IL1RL2: variants seen among roughly 807,000 people sequenced by gnomAD.
IL1RL2 encodes interleukin 1 receptor like 2, also known as interleukin-1 receptor-like 2.
IL1RL2 carries 68 observed loss-of-function variants against 66.8 expected under a neutral mutation model. The ratio of observed to expected loss-of-function variants is 1.02; its 90% CI spans 0.84 to 1.25. The LOEUF (loss-of-function observed/expected upper bound fraction) is 1.25, where lower values mean the gene tolerates loss of function less well. Among genes scored for constraint, IL1RL2 ranks in the 50% most tolerant of loss-of-function variants. IL1RL2 has a pLI of 0.00. For synonymous variants in IL1RL2, 305 were observed against 264.6 expected (o/e 1.15, Z -1.48); for missense variants, 729 against 709.3 (o/e 1.03, Z -0.32).
chr2:102,237,690 A>G (rs1456768039), intron 11 of IL1RL2, among the ~76,000 whole-genome samples: 1 of 152,234 alleles, frequency 6.6e-6, no homozygotes, highest in Non-Finnish European at 1.5e-5. Flanking sequence ...ATGAAATAAT[A>G]GGGATGCAAT....
chr2:102,202,326 T>C (rs769381272), intron 5 of IL1RL2, among the ~76,000 whole-genome samples: 12 of 151,886 alleles, frequency 7.9e-5, no homozygotes, highest in Non-Finnish European at 1.2e-4. Flanking sequence ...TTTTTGTGGG[T>C]ACATAATAGG....
intron 6 of IL1RL2, among the ~76,000 whole-genome samples, chr2:102,216,348 C>T (rs1412585813): frequency 1.3e-5 from 2 of 152,116 alleles, no homozygotes; most frequent in Admixed American, 1.3e-4. Flanking sequence ...TCTATTTTAT[C>T]TGATGTAAGT....
intron 5 of IL1RL2, among the ~76,000 whole-genome samples, chr2:102,207,917 C>A (rs1358359917): frequency 6.6e-6 from 1 of 152,218 alleles, no homozygotes; most frequent in Non-Finnish European, 1.5e-5. Flanking sequence ...GTTCTGATCA[C>A]TGGGATTAAC....
At position 102,191,945 on chromosome 2, in the gene IL1RL2, G is replaced by A. The variant is rs1344805298; in HGVS notation, c.314G>A (p.Arg105Lys). Residue 105 changes from arginine (R) to lysine (K), a missense_variant, in exon 4 of 12, where the codon AGA (arginine) becomes AAA (lysine). Transcript: ENST00000264257. ...TACAGGGGTAGAGACAGCTGTCATA[G>A]AATACATGTAAACCTAACTGTTTTT... ...CVIKGRDSCH[R>K]IHVNLTVFEK... The A allele has an allele frequency of 1.2e-6, 2 of 1,610,984 alleles. No individual in the cohort carries two copies. Among genetic ancestry groups the A allele is most frequent in the African/African-American group, 2.7e-5 (2 of 74,774 alleles).
intron 4 of IL1RL2, among the ~76,000 whole-genome samples, chr2:102,195,455 G>T (rs1033213279): frequency 1.1e-4 from 17 of 151,872 alleles, no homozygotes; most frequent in African/African-American, 4.1e-4. Flanking sequence ...TAGTTTACCT[G>T]TTCTTTTCAC....
intron 6 of IL1RL2, among the ~76,000 whole-genome samples, chr2:102,215,162 C>A (rs1402560119): frequency 6.6e-6 from 1 of 152,158 alleles, no homozygotes; most frequent in East Asian, 1.9e-4. Context: ...GGTCCTGAGC[C>A]CAGTTTGGGG....
intron 9 of IL1RL2, among the ~76,000 whole-genome samples, chr2:102,231,393 G>A (rs1347768038): frequency 6.6e-6 from 1 of 152,160 alleles, no homozygotes; most frequent in African/African-American, 2.4e-5. Context: ...AGCTACTCAG[G>A]AGACTGAGGC....
intron 4 of IL1RL2, 92 bp from the exon 5 acceptor site, chr2:102,201,464 T>C (rs1343500041): frequency 2.6e-6 from 3 of 1,150,352 alleles, no homozygotes; most frequent in Non-Finnish European, 3.9e-6. Context: ...CTATCTGTTG[T>C]CTTCCAGTTA....
Position 102,201,671 on chromosome 2 carries a change from C to T in IL1RL2, c.605C>T (p.Ser202Leu). ...GCGTGTCAAGCCATACTGACACACT[C>T]AGGGAAGCAGTACGAGGTTTTAAAT... The part of the protein sequence containing the change: ...NYACQAILTH[S>L]GKQYEVLNGI... The change falls in exon 5 of 12, where the codon TCA becomes TTA. Residue 202 changes from serine to leucine, a missense_variant. Coordinates refer to ENST00000264257, the MANE Select transcript of IL1RL2 (RefSeq NM_003854.4). The T allele has an allele frequency of 6.2e-7, 1 of 1,614,048 alleles. No homozygotes were observed. Among genetic ancestry groups the T allele is most frequent in the Non-Finnish European group, 8.5e-7 (1 of 1,179,960 alleles).
At position 102,212,080 on chromosome 2, in the gene IL1RL2, C is replaced by T. The variant is rs1233186947; in HGVS notation, c.650-20C>T. The T allele has an allele frequency of 6.3e-7, 1 of 1,589,428 alleles. No homozygotes were observed. Among genetic ancestry groups the T allele is most frequent in the South Asian group, 1.1e-5 (1 of 90,530 alleles). The stretch of plus-strand genomic sequence containing the variant: ...TCATACGTGATTCTAATGCAATTTC[C>T]TGTGGGTATGATTTCTTAGCAGAAA... On this transcript the variant is annotated intron_variant, in intron 5 of 11. Coordinates refer to ENST00000264257, the MANE Select transcript of IL1RL2 (RefSeq NM_003854.4).
At chr2:102,204,116 C>A (rs917137910) in intron 5 of IL1RL2, among the ~76,000 whole-genome samples, 4 of 152,014 alleles carry the variant, frequency 2.6e-5, no homozygotes, top group African/African-American at 9.7e-5. Context: ...TTTTCAGTTT[C>A]CTTCTTAATT....
At chr2:102,204,838 T>C (rs1688569186) in intron 5 of IL1RL2, among the ~76,000 whole-genome samples, 1 of 152,080 alleles carries the variant, frequency 6.6e-6, no homozygotes, top group East Asian at 1.9e-4. Flanking sequence ...GAGAGTTTAG[T>C]CCATTTACAT....
intron 2 of IL1RL2, 84 bp downstream of exon 2, chr2:102,188,009 G>T: frequency 4.3e-6 from 6 of 1,384,890 alleles, no homozygotes; most frequent in Non-Finnish European, 6.2e-6. Flanking sequence ...CGGGGATCGC[G>T]TCAGCCCGAG....
chr2:102,222,825 G>T (rs973098641), intron 8 of IL1RL2, among the ~76,000 whole-genome samples: 10 of 152,230 alleles, frequency 6.6e-5, no homozygotes, highest in Non-Finnish European at 1.5e-4. Context: ...AGAGAAAAGA[G>T]AAGCTGTTGT....
At chr2:102,187,777 T>G in intron 1 of IL1RL2, 79 bp from the exon 2 acceptor site, 14 of 1,230,386 alleles carry the variant, frequency 1.1e-5, no homozygotes, top group Non-Finnish European at 1.7e-5. Flanking sequence ...GTCTTTGAGA[T>G]TCCGAGGTCG....
intron 6 of IL1RL2, among the ~76,000 whole-genome samples, chr2:102,214,686 C>T (rs919168738): frequency 1.5e-4 from 22 of 151,704 alleles, no homozygotes; most frequent in African/African-American, 4.8e-4. Context: ...CTTGTCAAAA[C>T]ATGTCTAAAA....
intron 6 of IL1RL2, among the ~76,000 whole-genome samples, chr2:102,213,543 AAAC>A (rs963443363): frequency 5.9e-5 from 9 of 152,288 alleles, no homozygotes; most frequent in Non-Finnish European, 1.0e-4. Flanking sequence ...TTAAAAACTT[AAAC>A]AACAACAAAA....
chr2:102,192,011 AT>A lies in IL1RL2; in HGVS notation c.383del (p.Leu128TyrfsTer32), dbSNP rs750232270. 2.5e-6 allele frequency: 4 copies of A among 1,612,936 alleles called. No individual in the cohort carries two copies. The African/African-American group carries it at 5.3e-5, about 22-fold the overall frequency. On this transcript the variant is annotated frameshift_variant, in exon 4 of 12. Transcript: ENST00000264257. LOFTEE classifies it high-confidence loss of function. The stretch of plus-strand genomic sequence containing the variant: ...GACACTTCCATAGGTGGTTTACCAA[AT>A]TTATCAGATGAGTACAAGCAAATAT... ...WCDTSIGGLPNLSDEYKQILH... is the reference protein window; with the variant it reads ...WCDTSIGGLPXLSDEYKQILH...
In IL1RL2 at chr2:102,187,231, G is replaced by T. The variant is rs189362933; in HGVS notation, c.-13+145G>T. 1.1e-3 allele frequency: 1,284 copies of T among 1,201,610 alleles called. 6 individuals carry two copies. Among genetic ancestry groups the T allele is most frequent in the South Asian group, 7.9e-3 (549 of 69,880 alleles). The allele number at this position is 1,201,610 out of a possible 1,614,324, so 74.4% of individuals were successfully genotyped here. A position where few individuals can be genotyped will look rare whatever the true frequency, so the allele number is the denominator to read the frequency against. On this transcript the variant is annotated intron_variant, in intron 1 of 11. Coordinates refer to ENST00000264257, the MANE Select transcript of IL1RL2 (RefSeq NM_003854.4). Reference sequence around the variant, plus strand: ...CCCAGGCCGGCCCCCGACCGGCTAGGTGACCATGGGGGAGCCGACTCCGTC... The same window carrying T: ...CCCAGGCCGGCCCCCGACCGGCTAGTTGACCATGGGGGAGCCGACTCCGTC...
Sources: gnomAD v4.1 joint callset for allele counts (sites outside exome capture counted in the v4.1 genomes callset) on GRCh38, gnomAD v4.1.1 for gene constraint, MANE v1.5 for transcripts, NCBI Gene and HGNC (gene_info 2026-07-23, HGNC 2026-07-21) for gene names.